Variants in SLC28A3 observed in about 807,000 individuals in gnomAD.
SLC28A3 encodes the protein concentrative Na(+)-nucleoside cotransporter 3.
In SLC28A3, 68 loss-of-function variants were observed where a neutral mutation model predicts 84.2. The observed-to-expected ratio is 0.81, with a 90% CI of 0.66 to 0.99. The LOEUF (loss-of-function observed/expected upper bound fraction) is 0.99, where lower values mean the gene tolerates loss of function less well. Among genes scored for constraint, SLC28A3 ranks in the 50% least tolerant of loss-of-function variants. SLC28A3 has a pLI of 0.00. For synonymous variants in SLC28A3, 267 were observed against 303.6 expected, an observed-to-expected ratio of 0.88 and a Z score of 1.25; for missense variants, 712 against 841.5, an observed-to-expected ratio of 0.85 and a Z score of 1.90.
At chr9:84,317,842 G>A (rs1826226397) in intron 1 of SLC28A3, among the ~76,000 whole-genome samples, 1 of 152,210 alleles carries the variant, frequency 6.6e-6, no homozygotes, top group East Asian at 1.9e-4. Flanking sequence ...TTGTTCTGGG[G>A]CATTTACAGT....
At chr9:84,285,214 A>AT in intron 14 of SLC28A3, 131 bp downstream of exon 14, 1 of 820,156 alleles carries the variant, frequency 1.2e-6, no homozygotes, top group South Asian at 1.8e-5. Flanking sequence ...TGAGCAATGG[A>AT]TTTTAGGTTG....
intron 14 of SLC28A3, among the ~76,000 whole-genome samples, chr9:84,281,727 T>C (rs1824756053): frequency 6.6e-6 from 1 of 152,234 alleles, no homozygotes. Context: ...TGTCATTCAG[T>C]AGGCAAATGG....
rs370190415 is a variant in SLC28A3, at chr9:84,294,188, C to G, written c.942+7G>C. 7.5e-4 allele frequency: 1,205 copies of G among 1,613,856 alleles called. 2 individuals are homozygous for G. The highest frequency in any genetic ancestry group is 6.1e-3 in the Middle Eastern group (37 of 6,056). On this transcript the variant is annotated splice_region_variant and intron_variant, in intron 9 of 17. Coordinates refer to ENST00000376238, the MANE Select transcript of SLC28A3 (RefSeq NM_001199633.2). ...ACCTATAACCCAGTCCCTCCCAGCC[C>G]CAGTACCTTTCTAATAATCCACTGC... is the stretch of plus-strand genomic sequence containing the variant.
At chr9:84,329,553 A>G (rs1564176213) in intron 1 of SLC28A3, among the ~76,000 whole-genome samples, 1 of 152,228 alleles carries the variant, frequency 6.6e-6, no homozygotes, top group Non-Finnish European at 1.5e-5. Context: ...ATAAATTATG[A>G]GGAAATTAAG....
chr9:84,299,156 A>G (rs1825528866), intron 6 of SLC28A3, among the ~76,000 whole-genome samples: 8 of 152,204 alleles, frequency 5.3e-5, no homozygotes, highest in Admixed American at 3.9e-4. Context: ...TTCAATATTA[A>G]AAAGAAAATT....
At chr9:84,299,814 A>T (rs1301070179) in intron 5 of SLC28A3, 89 bp from the exon 6 acceptor site, 17 of 1,403,638 alleles carry the variant, frequency 1.2e-5, no homozygotes, top group Non-Finnish European at 1.6e-5. Flanking sequence ...TTTTTGAGAG[A>T]TGGAGTCTTG....
In SLC28A3 at chr9:84,297,938, T is replaced by A. The variant is rs370181927; in HGVS notation, c.751A>T (p.Ile251Leu). The A allele has an allele frequency of 9.1e-5, 146 of 1,607,922 alleles. 1 individual carries two copies. Among genetic ancestry groups the A allele is most frequent in the Middle Eastern group, 1.7e-4 (1 of 6,058 alleles). The change falls in exon 7 of 18, where the codon ATA (isoleucine) becomes TTA (leucine). Residue 251 changes from isoleucine to leucine, a missense_variant. Coordinates refer to ENST00000376238, the MANE Select transcript of SLC28A3 (RefSeq NM_001199633.2). ...LLILRTDPGF[I>L]AFDWLGRQVQ... ...TGTCTGCCCAACCAATCAAAAGCTA[T>A]AAATCCAGGGTCAGTCCTTAGAATC... is the stretch of plus-strand genomic sequence containing the variant.
chr9:84,278,513 T>G (rs1824608201), intron 17 of SLC28A3, 169 bp from the exon 18 acceptor site: 1 of 797,390 alleles, frequency 1.3e-6, no homozygotes, highest in Middle Eastern at 3.8e-4. Flanking sequence ...TTTTGGCTCC[T>G]AAATTCTGGG....
the SLC28A3 span, among the ~76,000 whole-genome samples, chr9:84,363,287 G>A: frequency 6.6e-6 from 1 of 152,196 alleles, no homozygotes; most frequent in Non-Finnish European, 1.5e-5. Flanking sequence ...GGCACAGGCA[G>A]TGATGTAGGA....
At chr9:84,342,694 T>A (rs968408555), upstream of SLC28A3, among the ~76,000 whole-genome samples, 1 of 152,006 alleles carries the variant, frequency 6.6e-6, no homozygotes, top group East Asian at 1.9e-4. Flanking sequence ...AGTGCTGGGA[T>A]TACAGGCACT....
At chr9:84,323,375 A>G (rs961809748) in intron 1 of SLC28A3, among the ~76,000 whole-genome samples, 6 of 151,552 alleles carry the variant, frequency 4.0e-5, no homozygotes, top group Admixed American at 1.3e-4. Context: ...TAAAGCCTCA[A>G]CTCTTCACCT....
the SLC28A3 span, among the ~76,000 whole-genome samples, chr9:84,361,911 A>AAAAT: frequency 2.2e-3 from 336 of 151,118 alleles, 1 homozygote; most frequent in African/African-American, 5.4e-3. Context: ...TCTGTCTCTA[A>AAAAT]AAATAAATAA....
At chr9:84,320,040 GTTTTTTTTT>G (rs1182939298) in intron 1 of SLC28A3, among the ~76,000 whole-genome samples, 4 of 59,610 alleles carry the variant, frequency 6.7e-5, no homozygotes, top group African/African-American at 2.0e-4. Flanking sequence ...GGCTTGCACT[GTTTTTTTTT>G]TTTTTTTTTT....
intron 3 of SLC28A3, among the ~76,000 whole-genome samples, chr9:84,307,160 G>T (rs1325632064): frequency 1.3e-5 from 2 of 149,300 alleles, no homozygotes; most frequent in Admixed American, 1.3e-4. Context: ...GCCAGGCGCG[G>T]TGGCTCAAGC....
intron 9 of SLC28A3, 59 bp downstream of exon 9, chr9:84,294,136 C>T: frequency 6.5e-7 from 1 of 1,541,936 alleles, no homozygotes; most frequent in African/African-American, 1.4e-5. Context: ...GCCTTGAGGA[C>T]TTCGTGCCTG....
At chr9:84,342,127 C>CAAAAAAAAA (rs200186519), upstream of SLC28A3, among the ~76,000 whole-genome samples, 2 of 68,770 alleles carry the variant, frequency 2.9e-5, no homozygotes, top group African/African-American at 5.8e-5. Context: ...GACCCTGTCT[C>CAAAAAAAAA]AAAAAAAAAA....
intron 2 of SLC28A3, among the ~76,000 whole-genome samples, chr9:84,311,977 T>C (rs11140508): frequency 0.16 from 24,878 of 152,300 alleles, 2,105 homozygotes; most frequent in Non-Finnish European, 0.19. Flanking sequence ...GATCGCACAA[T>C]AGGTAGCCAT....
chr9:84,335,800 C>T (rs1826954755), intron 1 of SLC28A3, among the ~76,000 whole-genome samples: 3 of 151,150 alleles, frequency 2.0e-5, no homozygotes, highest in Admixed American at 6.6e-5. Context: ...TTCAACAATC[C>T]CAAGATAGGT....
intron 1 of SLC28A3, among the ~76,000 whole-genome samples, chr9:84,333,575 C>A (rs368095714): frequency 2.7e-4 from 41 of 152,206 alleles, no homozygotes; most frequent in African/African-American, 9.6e-4. Flanking sequence ...CATCTAACAA[C>A]CAATAACAGG....
Sources: gnomAD v4.1 joint callset for allele counts (sites outside exome capture counted in the v4.1 genomes callset) on GRCh38, gnomAD v4.1.1 for gene constraint, MANE v1.5 for transcripts, NCBI Gene and HGNC (gene_info 2026-07-23, HGNC 2026-07-21) for gene names.